TCN1: variants seen among roughly 807,000 people sequenced by gnomAD.
TCN1 encodes the protein transcobalamin 1.
TCN1 carries 47 observed loss-of-function variants against 46.3 expected under a neutral mutation model. The observed-to-expected ratio is 1.01, with a 90% CI of 0.80 to 1.29. The LOEUF is 1.29. Among genes scored for constraint, TCN1 ranks in the 50% most tolerant of loss-of-function variants. TCN1 has a pLI of 0.00. For synonymous variants in TCN1, 183 were observed against 192.5 expected (o/e 0.95, Z 0.41); for missense variants, 532 against 511.0 (o/e 1.04, Z -0.40).
chr11:59,861,213 A>C (rs1853011413), intron 4 of TCN1, among the ~76,000 whole-genome samples: 1 of 152,204 alleles, frequency 6.6e-6, no homozygotes, highest in African/African-American at 2.4e-5. Flanking sequence ...AAAATATTTC[A>C]TGTGGATATT....
chr11:59,864,217 G>T (rs1038002253), intron 1 of TCN1, 131 bp from the exon 2 acceptor site: 4 of 1,031,650 alleles, frequency 3.9e-6, no homozygotes, highest in Non-Finnish European at 5.9e-6. Flanking sequence ...TGCAGACTGT[G>T]TTGGTGGAAT....
intron 5 of TCN1, among the ~76,000 whole-genome samples, chr11:59,856,890 T>C (rs147472763): frequency 1.1e-4 from 17 of 152,228 alleles, no homozygotes; most frequent in African/African-American, 4.1e-4. Context: ...GAATGTAAGC[T>C]TGATTGAAGG....
At position 59,861,510 on chromosome 11, in the gene TCN1, T is replaced by G. The variant is rs766675106; in HGVS notation, c.556+17A>C. On this transcript the variant is annotated intron_variant, in intron 4 of 8. Transcript: ENST00000257264. ...ACCATGTCCTCTGTACCAAGGGAATTGGGCTTAGTAACTCACCTACTGAGA... is the reference window on the plus strand; with the variant it reads ...ACCATGTCCTCTGTACCAAGGGAATGGGGCTTAGTAACTCACCTACTGAGA... 1 of 1,613,698 alleles carries G rather than the reference T, an allele frequency of 6.2e-7. No homozygotes were observed. The highest frequency in any genetic ancestry group is 2.2e-5 in the East Asian group (1 of 44,880).
At position 59,862,662 on chromosome 11, in the gene TCN1, T is replaced by C; in HGVS notation, c.320A>G (p.Asn107Ser). 1 of 1,613,882 alleles carries C rather than the reference T, an allele frequency of 6.2e-7. No homozygotes were observed. The highest frequency in any genetic ancestry group is 1.1e-5 in the South Asian group (1 of 91,078). The change falls in exon 3 of 9, where the codon AAC becomes AGC. Residue 107 changes from asparagine to serine, a missense_variant. By Grantham distance (46) the Asn-to-Ser change is conservative. Transcript: ENST00000257264. ...ATCATATATTAAGTTTTCCTCAGCG[T>C]TACGACATACTCCCAAAGCCAGTAT... is the stretch of plus-strand genomic sequence containing the variant. ...LIILALGVCR[N>S]AEENLIYDYH...
At chr11:59,864,282 AC>A (rs1853049418) in intron 1 of TCN1, among the ~76,000 whole-genome samples, 196 bp from the exon 2 acceptor site, 1 of 152,172 alleles carries the variant, frequency 6.6e-6, no homozygotes, top group Admixed American at 6.6e-5. Context: ...TCCTTTAACA[AC>A]CAACATGAAA....
At chr11:59,859,414 G>A in intron 4 of TCN1, 147 bp from the exon 5 acceptor site, 1 of 816,262 alleles carries the variant, frequency 1.2e-6, no homozygotes. Context: ...AATTGGTGAA[G>A]AAAGATTTCA....
In TCN1 at chr11:59,854,737, A is replaced by G; in HGVS notation, c.1036T>C (p.Tyr346His). Residue 346 changes from tyrosine (Y) to histidine (H), a missense_variant, in exon 7 of 9, where the codon TAT becomes CAT. Coordinates refer to ENST00000257264, the MANE Select transcript of TCN1 (RefSeq NM_001062.4). ...VNYSVRINET[Y>H]FTNVTVLNGS... ...TTTAGCACAGTGACATTGGTGAAATATGTTTCATTGATTCTCACAGAGTAA... is the reference window on the plus strand; with the variant it reads ...TTTAGCACAGTGACATTGGTGAAATGTGTTTCATTGATTCTCACAGAGTAA... 2 of 1,614,020 alleles carry G rather than the reference A, an allele frequency of 1.2e-6. No homozygotes were observed. The highest frequency in any genetic ancestry group is 1.7e-6 in the Non-Finnish European group (2 of 1,179,920).
chr11:59,860,217 C>T lies in TCN1; in HGVS notation c.557-950G>A, dbSNP rs148040945. 5.2e-3 allele frequency among the ~76,000 whole-genome samples: 795 copies of T among 152,238 alleles called. 18 individuals are homozygous for T. Among genetic ancestry groups the T allele is most frequent in the Admixed American group, 0.043 (662 of 15,308 alleles). ...TGGTCCGATCTCCCTGCGAACTCTG[C>T]CTCCTGGGTTCTAGTGATTCTCCTG... On this transcript the variant is annotated intron_variant, in intron 4 of 8. Transcript: ENST00000257264.
chr11:59,860,119 T>C (rs768301407), intron 4 of TCN1, among the ~76,000 whole-genome samples: 1 of 152,162 alleles, frequency 6.6e-6, no homozygotes, highest in South Asian at 2.1e-4. Flanking sequence ...GAGTGTTTTT[T>C]GTTTGTTTGT....
rs764602036 is a variant in TCN1, at chr11:59,859,112, T to A, written c.712A>T (p.Ile238Phe). The A allele has an allele frequency of 6.2e-7, 1 of 1,613,910 alleles. No individual in the cohort carries two copies. Among genetic ancestry groups the A allele is most frequent in the Non-Finnish European group, 8.5e-7 (1 of 1,180,058 alleles). ...ILSEKKENGL[I>F]GNTFSTGEAM... The stretch of plus-strand genomic sequence containing the variant: ...TCTCCTGTGCTAAATGTGTTTCCAA[T>A]GAGACCATTTTCTTTTTTCTCAGAC... The change falls in exon 5 of 9, where the codon ATT becomes TTT. Residue 238 changes from isoleucine to phenylalanine, a missense_variant. Transcript: ENST00000257264.
intron 4 of TCN1, 68 bp from the exon 5 acceptor site, chr11:59,859,335 C>T (rs1484747629): frequency 6.4e-7 from 1 of 1,561,742 alleles, no homozygotes; most frequent in African/African-American, 1.3e-5. Flanking sequence ...CGAGAGGTTT[C>T]CTGGGATGTG....
At chr11:59,864,386 T>C (rs975683119) in intron 1 of TCN1, among the ~76,000 whole-genome samples, 2 of 152,194 alleles carry the variant, frequency 1.3e-5, no homozygotes, top group African/African-American at 2.4e-5. Flanking sequence ...TAATTTTGTA[T>C]ATGAAGCTTA....
At chr11:59,853,637 C>T (rs965676630) in intron 7 of TCN1, among the ~76,000 whole-genome samples, 5 of 152,132 alleles carry the variant, frequency 3.3e-5, no homozygotes, top group African/African-American at 1.2e-4. Context: ...TTCAACCTTC[C>T]ACCCCAAGAT....
chr11:59,854,521 T>G (rs1852904931), intron 7 of TCN1, 131 bp downstream of exon 7: 1 of 905,758 alleles, frequency 1.1e-6, no homozygotes, highest in Admixed American at 2.0e-5. Flanking sequence ...TGCTGTGAGA[T>G]GTAGATGGAC....
At chr11:59,856,105 A>G in intron 5 of TCN1, 47 bp from the exon 6 acceptor site, 1 of 1,469,930 alleles carries the variant, frequency 6.8e-7, no homozygotes, top group Non-Finnish European at 9.5e-7. Context: ...ATAAAGAGAG[A>G]CAGAGAGAGA....
intron 2 of TCN1, among the ~76,000 whole-genome samples, chr11:59,863,336 G>A (rs182768836): frequency 3.3e-4 from 50 of 151,228 alleles, no homozygotes; most frequent in African/African-American, 1.2e-3. Flanking sequence ...AAGATCTTGG[G>A]TTTTTTTTTC....
intron 8 of TCN1, 43 bp from the exon 9 acceptor site, chr11:59,853,079 C>A (rs1243557899): frequency 6.2e-7 from 1 of 1,604,466 alleles, no homozygotes; most frequent in Admixed American, 1.7e-5. Flanking sequence ...ATGATTTGGC[C>A]ACTAAATCAC....
chr11:59,857,190 C>A (rs1852953265), intron 5 of TCN1, among the ~76,000 whole-genome samples: 1 of 152,134 alleles, frequency 6.6e-6, no homozygotes. Context: ...AAATACCCAA[C>A]AATGTGTTGT....
In TCN1 at chr11:59,861,533, A is replaced by G. The variant is rs1482795936; in HGVS notation, c.550T>C (p.Ser184Pro). 3.7e-6 allele frequency: 6 copies of G among 1,613,956 alleles called. No homozygotes were observed. The African/African-American group carries it at 6.7e-5, about 18-fold the overall frequency. ...NKNYYFGSQF[S>P]VDTGAMAVLA... ...ATTGGGCTTAGTAACTCACCTACTG[A>G]GAACTGGCTACCAAAATAATAGTTT... is the stretch of plus-strand genomic sequence containing the variant. The change falls in exon 4 of 9, where the codon TCA becomes CCA. Residue 184 changes from serine to proline, a missense_variant. Ser to Pro is a moderately conservative substitution (Grantham distance 74). Transcript: ENST00000257264.
Sources: gnomAD v4.1 joint callset for allele counts (sites outside exome capture counted in the v4.1 genomes callset) on GRCh38, gnomAD v4.1.1 for gene constraint, MANE v1.5 for transcripts, NCBI Gene and HGNC (gene_info 2026-07-23, HGNC 2026-07-21) for gene names.